Variants in NRXN1 observed in about 807,000 individuals in gnomAD.
NRXN1 encodes neurexin-1.
NRXN1 carries 39 observed loss-of-function variants against 150.9 expected under a neutral mutation model. The ratio of observed to expected loss-of-function variants is 0.26; its 90% CI spans 0.20 to 0.34. The LOEUF (loss-of-function observed/expected upper bound fraction) is 0.34, where lower values mean the gene tolerates loss of function less well. Ranked by LOEUF, NRXN1 falls within the 10% of genes least tolerant of loss-of-function variation. The pLI, the probability that NRXN1 is intolerant of heterozygous loss-of-function variation, is 1.00. For synonymous variants in NRXN1, 924 were observed against 757.0 expected, an observed-to-expected ratio of 1.22 and a Z score of -3.62; for missense variants, 1,815 against 1,949.9, an observed-to-expected ratio of 0.93 and a Z score of 1.30.
At chr2:50,776,562 T>G (rs1393961239) in intron 5 of NRXN1, among the ~76,000 whole-genome samples, 1 of 151,552 alleles carries the variant, frequency 6.6e-6, no homozygotes, top group East Asian at 1.9e-4. Flanking sequence ...TAACAAAATC[T>G]AATGTGTATA....
intron 2 of NRXN1, among the ~76,000 whole-genome samples, chr2:50,996,873 C>T (rs1699378598): frequency 6.6e-6 from 1 of 152,062 alleles, no homozygotes; most frequent in Non-Finnish European, 1.5e-5. Flanking sequence ...GCGTAGGTTT[C>T]ATCAAACTCG....
intron 1 of NRXN1, among the ~76,000 whole-genome samples, chr2:51,030,411 G>T (rs1671311105): frequency 6.6e-6 from 1 of 151,960 alleles, no homozygotes; most frequent in African/African-American, 2.4e-5. Context: ...TCCATGGGGG[G>T]AGCTGAGAGC....
chr2:51,023,839 T>C (rs1441043328), intron 2 of NRXN1, among the ~76,000 whole-genome samples: 2 of 152,156 alleles, frequency 1.3e-5, no homozygotes, highest in Non-Finnish European at 2.9e-5. Flanking sequence ...CACAAAGTAA[T>C]GGAAAGCAGG....
chr2:50,967,582 G>C (rs1694303682), intron 2 of NRXN1, among the ~76,000 whole-genome samples: 1 of 151,978 alleles, frequency 6.6e-6, no homozygotes, highest in South Asian at 2.1e-4. Context: ...ATATGGAACA[G>C]GGCATGTACA....
chr2:50,302,222 C>T (rs1476027448), intron 17 of NRXN1, among the ~76,000 whole-genome samples: 2 of 152,026 alleles, frequency 1.3e-5, no homozygotes, highest in Non-Finnish European at 2.9e-5. Context: ...CCCCAAGTAT[C>T]AAGGAATGAA....
chr2:50,443,373 C>T (rs1346932365), intron 17 of NRXN1, among the ~76,000 whole-genome samples: 1 of 152,140 alleles, frequency 6.6e-6, no homozygotes, highest in Non-Finnish European at 1.5e-5. Flanking sequence ...TCTTCAAGTA[C>T]GGCCTTGGCC....
At chr2:50,445,332 C>T (rs113617988) in intron 17 of NRXN1, among the ~76,000 whole-genome samples, 5 of 152,122 alleles carry the variant, frequency 3.3e-5, no homozygotes, top group Admixed American at 6.5e-5. Flanking sequence ...AGAGGAAGTA[C>T]GTGAATCTCT....
rs1393615986 is a variant in NRXN1 at position 50,552,763 on chromosome 2, T to C, written c.1583A>G (p.Lys528Arg). The C allele has an allele frequency of 6.2e-7, 1 of 1,613,994 alleles. No individual in the cohort carries two copies. Residue 528 changes from lysine (K) to arginine (R), a missense_variant, in exon 9 of 23, where the codon AAA (lysine) becomes AGA (arginine). Coordinates refer to ENST00000401669, the MANE Select transcript of NRXN1 (RefSeq NM_001330078.2). ...TATCATCTGTGGGTGCTTGGCATCTTTCTGATGTCTTGGCTTGCCATGGCT... is the reference window on the plus strand; with the variant it reads ...TATCATCTGTGGGTGCTTGGCATCTCTCTGATGTCTTGGCTTGCCATGGCT... ...LFSHGKPRHQ[K>R]DAKHPQMIKV...
At chr2:50,798,157 A>T (rs915698675) in intron 5 of NRXN1, among the ~76,000 whole-genome samples, 1 of 152,126 alleles carries the variant, frequency 6.6e-6, no homozygotes, top group African/African-American at 2.4e-5. Flanking sequence ...ATATGGGGGA[A>T]ATTCTAGTTA....
chr2:50,943,155 G>T (rs918188274), intron 2 of NRXN1, among the ~76,000 whole-genome samples: 1 of 151,904 alleles, frequency 6.6e-6, no homozygotes, highest in African/African-American at 2.4e-5. Context: ...TGCACCTTCT[G>T]CCATGATTGA....
intron 12 of NRXN1, among the ~76,000 whole-genome samples, chr2:50,512,517 G>C (rs1380541788): frequency 6.6e-6 from 1 of 152,140 alleles, no homozygotes; most frequent in African/African-American, 2.4e-5. Flanking sequence ...ATGTATTTAA[G>C]AAAGAAAGAA....
rs975779264 is a variant in NRXN1 at position 50,739,852 on chromosome 2, G to C, written c.833-116237C>G. On this transcript the variant is annotated intron_variant, in intron 5 of 22. Coordinates refer to ENST00000401669, the MANE Select transcript of NRXN1 (RefSeq NM_001330078.2). ...AAAGGAAATATGTGGAGTTATTCAG[G>C]CATATGTCTTTTATTGTCATTGAAA... 2.0e-5 allele frequency among the ~76,000 whole-genome samples: 3 copies of C among 152,074 alleles called. No individual in the cohort carries two copies. The East Asian group carries it at 5.8e-4, about 29-fold the overall frequency.
chr2:51,005,579 A>G (rs1351785535), intron 2 of NRXN1, among the ~76,000 whole-genome samples: 1 of 152,044 alleles, frequency 6.6e-6, no homozygotes, highest in African/African-American at 2.4e-5. Flanking sequence ...TGAAAAGACA[A>G]TAATTACCAA....
intron 18 of NRXN1, among the ~76,000 whole-genome samples, chr2:50,227,887 T>A (rs2064554805): frequency 6.6e-6 from 1 of 152,106 alleles, no homozygotes; most frequent in Admixed American, 6.6e-5. Context: ...TTAAAATGTA[T>A]TTAATTTTAA....
rs562446168 is a variant in NRXN1 at position 50,721,593 on chromosome 2, C to T, written c.833-97978G>A. ...ATGAAGCATGAATCCTCAGGATACC[C>T]AGTCACTAATTTTTTAAAGTGGAAT... On this transcript the variant is annotated intron_variant, in intron 5 of 22. Transcript: ENST00000401669. Among the ~76,000 whole-genome samples the T allele has an allele frequency of 7.9e-5, 12 of 152,222 alleles. No homozygotes were observed. In the East Asian group the frequency reaches 2.1e-3, roughly 27 times the overall value.
intron 2 of NRXN1, among the ~76,000 whole-genome samples, chr2:50,994,415 C>G (rs1369797939): frequency 1.3e-5 from 2 of 151,984 alleles, no homozygotes; most frequent in Admixed American, 1.3e-4. Flanking sequence ...TACTTAATCA[C>G]CTAGTCAAAA....
chr2:50,053,429 C>A lies in NRXN1; in HGVS notation c.3970G>T (p.Val1324Leu). ...NDANIAIVGN[V>L]RLVGEVPSSM... ...GAAGGCACTTCACCAACCAGTCTCA[C>A]ATTTCCCACTATGGCGATGTTGGCA... Residue 1324 changes from valine to leucine, a missense_variant, in exon 21 of 23, where the codon GTG (valine) becomes TTG (leucine). Val to Leu is a conservative substitution (Grantham distance 32, BLOSUM62 1). Around this residue, in one of 6 missense-constraint regions of NRXN1, gnomAD observed 265 missense variants for 307.1 expected, o/e 0.86. Transcript: ENST00000401669. 1 of 1,614,038 alleles carries A rather than the reference C, an allele frequency of 6.2e-7. No individual in the cohort carries two copies. Among genetic ancestry groups the A allele is most frequent in the Non-Finnish European group, 8.5e-7 (1 of 1,179,922 alleles).
At chr2:50,011,454 G>T (rs1334325125) in intron 21 of NRXN1, among the ~76,000 whole-genome samples, 1 of 152,116 alleles carries the variant, frequency 6.6e-6, no homozygotes, top group Non-Finnish European at 1.5e-5. Context: ...CTTTTGGTGA[G>T]AAACTCAGAT....
intron 18 of NRXN1, among the ~76,000 whole-genome samples, chr2:50,157,333 G>A (rs557996841): frequency 6.6e-6 from 1 of 152,024 alleles, no homozygotes; most frequent in African/African-American, 2.4e-5. Flanking sequence ...AGTCATTCAG[G>A]CACAGAAAGT....
Sources: allele counts gnomAD v4.1 joint callset (sites outside exome capture counted in the v4.1 genomes callset), GRCh38; gene constraint gnomAD v4.1.1; regional missense constraint gnomAD v4.1.1; transcripts MANE v1.5; gene names NCBI Gene and HGNC (gene_info 2026-07-23, HGNC 2026-07-21).